CAMTA1: variants seen among roughly 807,000 people sequenced by gnomAD.
CAMTA1 encodes calmodulin binding transcription activator 1, also known as calmodulin-binding transcription activator 1.
CAMTA1 carries 27 observed loss-of-function variants against 170.9 expected under a neutral mutation model. That is an observed-to-expected ratio of 0.16 (90% CI 0.12 to 0.22). The LOEUF (loss-of-function observed/expected upper bound fraction) is 0.22, where lower values mean the gene tolerates loss of function less well. Ranked by LOEUF, CAMTA1 falls within the 10% of genes least tolerant of loss-of-function variation. The pLI, the probability that CAMTA1 is intolerant of heterozygous loss-of-function variation, is 1.00. For missense variants in CAMTA1, 1,619 were observed against 2,217.2 expected (o/e 0.73, Z 5.42); for synonymous variants, 833 against 891.5 (o/e 0.93, Z 1.17).
chr1:7,149,830 G>A (rs1352725000), intron 4 of CAMTA1, among the ~76,000 whole-genome samples: 2 of 152,202 alleles, frequency 1.3e-5, no homozygotes, highest in African/African-American at 4.8e-5. Flanking sequence ...CCGGGAAGAC[G>A]TTGAAGACAA....
chr1:7,348,951 C>T (rs2149867623), intron 5 of CAMTA1, among the ~76,000 whole-genome samples: 2 of 152,292 alleles, frequency 1.3e-5, no homozygotes, highest in African/African-American at 4.8e-5. Flanking sequence ...TTCGGGCTCT[C>T]CTGGAGTCCT....
intron 5 of CAMTA1, among the ~76,000 whole-genome samples, chr1:7,310,668 TTTCC>T (rs1676459316): frequency 1.5e-4 from 5 of 33,706 alleles, no homozygotes; most frequent in Non-Finnish European, 2.0e-4. Flanking sequence ...TCTTTCTTTC[TTTCC>T]TTTCTTTCTC....
At chr1:7,415,855 T>C (rs2091126172) in intron 5 of CAMTA1, among the ~76,000 whole-genome samples, 2 of 152,126 alleles carry the variant, frequency 1.3e-5, no homozygotes, top group Admixed American at 6.6e-5. Context: ...TTCCTAGCCT[T>C]GATGGTCTTT....
chr1:7,661,744 C>T lies in CAMTA1; in HGVS notation c.683C>T (p.Thr228Ile). The change falls in exon 8 of 23, where the codon ACC (threonine) becomes ATC (isoleucine). Residue 228 changes from threonine (T) to isoleucine (I), a missense_variant. Thr to Ile is a moderately conservative substitution (Grantham distance 89). This residue lies in a region of CAMTA1 where 731 missense variants were observed against 907.6 expected (regional missense o/e 0.81). Coordinates refer to ENST00000303635, the MANE Select transcript of CAMTA1 (RefSeq NM_015215.4). Reference protein sequence around the residue: ...LKPMFHGIKWTCSNGNSSSGF... With the variant: ...LKPMFHGIKWICSNGNSSSGF... ...TTCACAGTCCATGGCATCAAGTGGA[C>T]CTGCAGCAATGGGAACAGCAGCTCA... 1 of 1,614,018 alleles carries T rather than the reference C, an allele frequency of 6.2e-7. No homozygotes were observed. The highest frequency in any genetic ancestry group is 8.5e-7 in the Non-Finnish European group (1 of 1,179,996).
intron 19 of CAMTA1, among the ~76,000 whole-genome samples, chr1:7,750,588 G>T (rs1443402655): frequency 6.6e-6 from 1 of 152,240 alleles, no homozygotes; most frequent in Non-Finnish European, 1.5e-5. Flanking sequence ...CTCCTGGGTC[G>T]TCCGCAGCTC....
intron 7 of CAMTA1, among the ~76,000 whole-genome samples, chr1:7,660,611 G>A (rs1412723349): frequency 6.6e-6 from 1 of 152,170 alleles, no homozygotes; most frequent in Non-Finnish European, 1.5e-5. Context: ...CCATGTCGAC[G>A]CTCTCCTTGT....
rs971399449 is a variant in CAMTA1 at position 6,818,548 on chromosome 1, C to T, written c.46-1633C>T. Among the ~76,000 whole-genome samples the T allele has an allele frequency of 3.3e-5, 5 of 152,156 alleles. No individual in the cohort carries two copies. The South Asian group carries it at 8.3e-4, about 25-fold the overall frequency. On this transcript the variant is annotated intron_variant, in intron 1 of 22. Transcript: ENST00000303635. ...AGAGAAGGAGAGAGAAGTATCCACC[C>T]GCCCTTTTTGGATGAGGTAGTACAG... is the stretch of plus-strand genomic sequence containing the variant.
At chr1:7,471,312 G>T (rs752150298) in intron 6 of CAMTA1, among the ~76,000 whole-genome samples, 4 of 152,214 alleles carry the variant, frequency 2.6e-5, no homozygotes, top group Non-Finnish European at 5.9e-5. Context: ...CACAGGCAGG[G>T]CACTAGAGCC....
chr1:7,330,095 G>A (rs1030065188), intron 5 of CAMTA1, among the ~76,000 whole-genome samples: 2 of 152,128 alleles, frequency 1.3e-5, no homozygotes, highest in Admixed American at 6.5e-5. Context: ...ACTGGTGGTC[G>A]TGATGCTTAA....
rs914983082 is a variant in CAMTA1, at chr1:7,765,753, C to T, written c.4990-706C>T. ...TATATTAAAAGCTAAATAGGCCGGGCGCGGTGGCTCACGCCTGTAATCCCA... is the reference window on the plus strand; with the variant it reads ...TATATTAAAAGCTAAATAGGCCGGGTGCGGTGGCTCACGCCTGTAATCCCA... On this transcript the variant is annotated intron_variant, in intron 22 of 22. Coordinates refer to ENST00000303635, the MANE Select transcript of CAMTA1 (RefSeq NM_015215.4). Among the ~76,000 whole-genome samples, 9 of 152,094 alleles carry T rather than the reference C, an allele frequency of 5.9e-5. No individual in the cohort carries two copies. In the East Asian group the frequency reaches 9.6e-4, roughly 16 times the overall value.
intron 4 of CAMTA1, among the ~76,000 whole-genome samples, chr1:7,200,331 A>G (rs1351075445): frequency 6.6e-6 from 1 of 152,258 alleles, no homozygotes; most frequent in African/African-American, 2.4e-5. Context: ...ATACATAACC[A>G]CAGTACAAAT....
At chr1:7,002,642 C>T (rs1036268917) in intron 3 of CAMTA1, among the ~76,000 whole-genome samples, 4 of 152,190 alleles carry the variant, frequency 2.6e-5, no homozygotes, top group Admixed American at 6.5e-5. Context: ...TCTATCATAT[C>T]GCTCCATCCT....
intron 3 of CAMTA1, among the ~76,000 whole-genome samples, chr1:7,073,293 A>G (rs775554408): frequency 2.6e-4 from 40 of 152,198 alleles, no homozygotes; most frequent in Non-Finnish European, 4.9e-4. Flanking sequence ...TGTGTGAAGC[A>G]TGTAAAGTTT....
chr1:7,570,676 C>A lies in CAMTA1; in HGVS notation c.511-69724C>A, dbSNP rs1411615569. 6.6e-6 allele frequency among the ~76,000 whole-genome samples: 1 copy of A among 152,256 alleles called. No individual in the cohort carries two copies. Among genetic ancestry groups the A allele is most frequent in the Non-Finnish European group, 1.5e-5 (1 of 68,048 alleles). On this transcript the variant is annotated intron_variant, in intron 6 of 22. Transcript: ENST00000303635. The surrounding 1 kb of genome is among the most constrained non-coding windows in gnomAD (Gnocchi z 4.3). ...CTGCCCTGTTCACCAAGGCCAAGGT[C>A]CTGTCAGCCTCCTGCTGTGTCAGCA...
Position 7,456,820 on chromosome 1 carries a change from G to C in CAMTA1, c.439-11010G>C, listed in dbSNP as rs1206178243. Among the ~76,000 whole-genome samples, 1 of 152,244 alleles carries C rather than the reference G, an allele frequency of 6.6e-6. No individual in the cohort carries two copies. Among genetic ancestry groups the C allele is most frequent in the Non-Finnish European group, 1.5e-5 (1 of 68,028 alleles). ...ATGTGGGCCTGGCTGAACGTCCTCA[G>C]AGGGTGGGAAAACAGGCAGGTGAGA... is the stretch of plus-strand genomic sequence containing the variant. On this transcript the variant is annotated intron_variant, in intron 5 of 22. Transcript: ENST00000303635. The surrounding 1 kb of genome is among the most constrained non-coding windows in gnomAD (Gnocchi z 4.9).
At chr1:7,311,669 G>A (rs997648658) in intron 5 of CAMTA1, among the ~76,000 whole-genome samples, 5 of 152,022 alleles carry the variant, frequency 3.3e-5, no homozygotes, top group African/African-American at 1.2e-4. Flanking sequence ...TGAATATTAT[G>A]TGATGAGACT....
chr1:7,332,390 A>G (rs2083089316), intron 5 of CAMTA1, among the ~76,000 whole-genome samples: 1 of 152,230 alleles, frequency 6.6e-6, no homozygotes, highest in African/African-American at 2.4e-5. Flanking sequence ...TTCTCTGACT[A>G]ATGTAAAATG....
At chr1:6,830,203 G>T (rs890290005) in intron 3 of CAMTA1, among the ~76,000 whole-genome samples, 2 of 151,022 alleles carry the variant, frequency 1.3e-5, no homozygotes, top group African/African-American at 4.9e-5. Context: ...TGCCGGGCTA[G>T]TTTTTTATAT....
At position 7,113,951 on chromosome 1, in the gene CAMTA1, G is replaced by A. The variant is rs1228064971; in HGVS notation, c.302+22580G>A. ...TGGTCTTTCTTTACATCATCGGCAAGCCACTGTTTCGGATTCTTCAGGGCT... is the reference window on the plus strand; with the variant it reads ...TGGTCTTTCTTTACATCATCGGCAAACCACTGTTTCGGATTCTTCAGGGCT... On this transcript the variant is annotated intron_variant, in intron 4 of 22. Transcript: ENST00000303635. This position sits in a 1 kb window ranked among gnomAD's most constrained non-coding sequence, Gnocchi z 4.5. 6.6e-6 allele frequency among the ~76,000 whole-genome samples: 1 copy of A among 152,170 alleles called. No individual in the cohort carries two copies. Among genetic ancestry groups the A allele is most frequent in the African/African-American group, 2.4e-5 (1 of 41,444 alleles).
Sources: allele counts gnomAD v4.1 joint callset (sites outside exome capture counted in the v4.1 genomes callset), GRCh38; gene constraint gnomAD v4.1.1; regional missense constraint gnomAD v4.1.1; non-coding constraint Gnocchi (gnomAD v3.1); transcripts MANE v1.5; gene names NCBI Gene and HGNC (gene_info 2026-07-23, HGNC 2026-07-21).